Variants in RCBTB1 observed in about 807,000 individuals in gnomAD.
RCBTB1 encodes the protein RCC1 and BTB domain-containing protein 1.
A neutral mutation model predicts 62.4 loss-of-function variants in RCBTB1; 46 were observed. That is an observed-to-expected ratio of 0.74 (90% confidence interval 0.58 to 0.94). The LOEUF (loss-of-function observed/expected upper bound fraction) is 0.94, where lower values mean the gene tolerates loss of function less well. RCBTB1 is among the 40% of genes least tolerant of loss of function. The pLI is 0.00. For synonymous variants in RCBTB1, 222 were observed against 245.8 expected (o/e 0.90, Z 0.91); for missense variants, 565 against 654.9 (o/e 0.86, Z 1.50).
At chr13:49,568,499 C>A (rs1963175674) in intron 2 of RCBTB1, among the ~76,000 whole-genome samples, 1 of 152,144 alleles carries the variant, frequency 6.6e-6, no homozygotes, top group South Asian at 2.1e-4. Flanking sequence ...GAAGTAGTGG[C>A]CATATATAAA....
intron 10 of RCBTB1, among the ~76,000 whole-genome samples, chr13:49,544,424 G>A (rs557493212): frequency 6.6e-5 from 10 of 152,220 alleles, no homozygotes; most frequent in Admixed American, 2.6e-4. Flanking sequence ...AGCTGAGATC[G>A]TGCCACTGCA....
Position 49,552,167 on chromosome 13 carries a change from A to G in RCBTB1, c.711+11T>C, listed in dbSNP as rs1444810608. 6.5e-7 allele frequency: 1 copy of G among 1,541,492 alleles called. No individual in the cohort carries two copies. On this transcript the variant is annotated intron_variant, in intron 7 of 12. Transcript: ENST00000378302. ...ATGGGAAGCCACTAACTGAGAGTGC[A>G]CCACACGTACCTGGTTCACACACAC...
At chr13:49,543,742 C>G (rs761790974) in intron 10 of RCBTB1, among the ~76,000 whole-genome samples, 8 of 152,054 alleles carry the variant, frequency 5.3e-5, no homozygotes, top group Non-Finnish European at 8.8e-5. Context: ...ACTCTGTCTC[C>G]CAGGATGATC....
rs7317982 is a variant in RCBTB1 at position 49,534,116 on chromosome 13, T to C, written c.*6A>G. The C allele has an allele frequency of 0.51, 828,671 of 1,611,914 alleles. 216,382 individuals are homozygous for C. The highest frequency in any genetic ancestry group is 0.54 in the Middle Eastern group (3,300 of 6,060). On this transcript the variant is annotated 3_prime_UTR_variant, in exon 13 of 13. Coordinates refer to ENST00000378302, the MANE Select transcript of RCBTB1 (RefSeq NM_018191.4). ...GCACTCACACAGAACCCAGCAGCCT[T>C]GCGCTTCAGTTCTTAAAGGCTCCAC...
At chr13:49,555,478 G>T (rs377031516) in intron 6 of RCBTB1, 37 bp downstream of exon 6, 110 of 1,554,772 alleles carry the variant, frequency 7.1e-5, no homozygotes, top group Middle Eastern at 5.0e-4. Flanking sequence ...AATTGAAAAA[G>T]AAGGTAGAAA....
In RCBTB1 at chr13:49,567,247, A is replaced by G; in HGVS notation, c.33T>C (p.Thr11=). 1.2e-6 allele frequency: 2 copies of G among 1,614,082 alleles called. No individual in the cohort carries two copies. Among genetic ancestry groups the G allele is most frequent in the Non-Finnish European group, 1.7e-6 (2 of 1,179,998 alleles). The change falls in exon 3 of 13, where the codon ACT becomes ACC. Residue 11 remains threonine, a synonymous_variant. Transcript: ENST00000378302. Reference sequence around the variant, plus strand: ...ACGCGATCTCTTGAGGGGAGAGTAGAGTGAAGATGGGCCACTTTCCGACAT... The same window carrying G: ...ACGCGATCTCTTGAGGGGAGAGTAGGGTGAAGATGGGCCACTTTCCGACAT... MVDVGKWPIF[T]LLSPQEIASI...
At chr13:49,567,351 A>C (rs769671989) in intron 2 of RCBTB1, 31 bp from the exon 3 acceptor site, 8 of 1,532,574 alleles carry the variant, frequency 5.2e-6, no homozygotes, top group East Asian at 2.3e-5. Context: ...CCAGAAAAAA[A>C]TTAAATAGTC....
chr13:49,557,255 G>T (rs7983672), intron 5 of RCBTB1, among the ~76,000 whole-genome samples: 1 of 151,812 alleles, frequency 6.6e-6, no homozygotes, highest in Non-Finnish European at 1.5e-5. Flanking sequence ...TAAAAGATAG[G>T]GAATAGAAGG....
chr13:49,567,038 GA>G, intron 3 of RCBTB1, 115 bp downstream of exon 3: 2 of 977,470 alleles, frequency 2.0e-6, no homozygotes, highest in Non-Finnish European at 3.0e-6. Flanking sequence ...TAGTCTTCCT[GA>G]ACTTCAGGAT....
chr13:49,566,979 A>G (rs1301340571), intron 3 of RCBTB1, among the ~76,000 whole-genome samples, 175 bp downstream of exon 3: 1 of 152,148 alleles, frequency 6.6e-6, no homozygotes, highest in Non-Finnish European at 1.5e-5. Context: ...GCTATGGAGT[A>G]GACGGGTATT....
At chr13:49,539,084 G>T (rs1047762870) in intron 12 of RCBTB1, among the ~76,000 whole-genome samples, 2 of 151,684 alleles carry the variant, frequency 1.3e-5, no homozygotes, top group African/African-American at 4.8e-5. Flanking sequence ...TGGCCAGGCT[G>T]GTCTCAAACT....
Position 49,533,273 on chromosome 13 carries a change from G to A in RCBTB1, c.*849C>T, listed in dbSNP as rs1198356908. The A allele has an allele frequency of 6.6e-6, 1 of 152,168 alleles. No homozygotes were observed. The highest frequency in any genetic ancestry group is 1.5e-5 in the Non-Finnish European group (1 of 68,032). 9.4% of individuals were successfully genotyped at this position (152,168 alleles called of 1,614,324 possible). On this transcript the variant is annotated 3_prime_UTR_variant, in exon 13 of 13. Transcript: ENST00000378302. ...ATACATGTCATTATTTTCCTCTTAA[G>A]TTTGCATTTATAGAAGAAGGTGGTG...
At chr13:49,567,470 A>G (rs1053917987) in intron 2 of RCBTB1, 150 bp from the exon 3 acceptor site, 7 of 595,916 alleles carry the variant, frequency 1.2e-5, no homozygotes, top group African/African-American at 5.6e-5. Context: ...TCCCCCAGCC[A>G]TGTGTGCAAT....
chr13:49,548,978 C>G lies in RCBTB1; in HGVS notation c.1045+480G>C, dbSNP rs1394038540. On this transcript the variant is annotated intron_variant, in intron 9 of 12. Transcript: ENST00000378302. ...TGAAACCCCACCTCTACTAAAAATA[C>G]AAAAATTAGCTGGGTGTGGTGGCTG... Among the ~76,000 whole-genome samples the G allele has an allele frequency of 1.5e-5, 2 of 134,646 alleles. 1 individual carries two copies. Among genetic ancestry groups the G allele is most frequent in the Non-Finnish European group, 3.0e-5 (2 of 65,656 alleles). 88.3% of individuals were successfully genotyped at this position (134,646 alleles called of 152,430 possible).
intron 12 of RCBTB1, among the ~76,000 whole-genome samples, chr13:49,539,099 A>C (rs955006244): frequency 9.9e-5 from 15 of 151,324 alleles, no homozygotes; most frequent in Non-Finnish European, 2.1e-4. Flanking sequence ...CAAACTCCTG[A>C]TCTCAAGTGG....
intron 6 of RCBTB1, among the ~76,000 whole-genome samples, chr13:49,553,456 G>A (rs1485633091): frequency 6.6e-6 from 1 of 152,042 alleles, no homozygotes; most frequent in Admixed American, 6.6e-5. Flanking sequence ...GAGGAAAGAG[G>A]ATTAAAAATA....
intron 2 of RCBTB1, among the ~76,000 whole-genome samples, chr13:49,568,160 G>C (rs1046511706): frequency 6.6e-6 from 1 of 152,126 alleles, no homozygotes; most frequent in Non-Finnish European, 1.5e-5. Context: ...AAGCACAAAT[G>C]GAAGTTTTTT....
At chr13:49,564,061 CAG>C (rs1193856923) in intron 4 of RCBTB1, among the ~76,000 whole-genome samples, 4 of 152,268 alleles carry the variant, frequency 2.6e-5, no homozygotes, top group South Asian at 2.1e-4. Context: ...AATGAATTTT[CAG>C]AGAGTGTTGG....
intron 9 of RCBTB1, among the ~76,000 whole-genome samples, chr13:49,548,324 G>A (rs1210303553): frequency 1.3e-5 from 2 of 151,472 alleles, no homozygotes; most frequent in African/African-American, 4.9e-5. Context: ...GGGAGGCGGA[G>A]GCTGCAGTGA....
Sources: allele counts gnomAD v4.1 joint callset (sites outside exome capture counted in the v4.1 genomes callset), GRCh38; gene constraint gnomAD v4.1.1; transcripts MANE v1.5; gene names NCBI Gene and HGNC (gene_info 2026-07-23, HGNC 2026-07-21).